The following SLC20A2 variants were observed in gnomAD, a reference collection of about 807,000 sequenced individuals.
The protein encoded by SLC20A2 is sodium-dependent phosphate transporter 2.
A neutral mutation model predicts 61.0 loss-of-function variants in SLC20A2; 30 were observed. That is an observed-to-expected ratio of 0.49 (90% CI 0.37 to 0.67). The LOEUF is 0.67. Ranked by LOEUF, SLC20A2 falls within the 30% of genes least tolerant of loss-of-function variation. The pLI is 0.00. For synonymous variants in SLC20A2, 351 were observed against 353.3 expected (o/e 0.99, Z 0.07); for missense variants, 626 against 866.4 (o/e 0.72, Z 3.48).
intron 8 of SLC20A2, among the ~76,000 whole-genome samples, chr8:42,435,967 T>A (rs1318318641): frequency 6.6e-6 from 1 of 151,848 alleles, no homozygotes. Context: ...AATAGAAAAA[T>A]TAGCCGGGCC....
upstream of SLC20A2, among the ~76,000 whole-genome samples, chr8:42,505,704 C>T (rs939685716): frequency 2.0e-5 from 3 of 151,876 alleles, no homozygotes; most frequent in African/African-American, 7.3e-5. Flanking sequence ...TTGAGACCAG[C>T]CTGGCTAATG....
intron 8 of SLC20A2, among the ~76,000 whole-genome samples, chr8:42,431,046 C>T (rs1803838018): frequency 6.6e-6 from 1 of 152,120 alleles, no homozygotes; most frequent in African/African-American, 2.4e-5. Context: ...ACAGTGCCCT[C>T]TAAGTGTTCA....
chr8:42,426,909 C>T (rs72643207), intron 10 of SLC20A2, among the ~76,000 whole-genome samples: 2,285 of 152,342 alleles, frequency 0.015, 25 homozygotes, highest in Middle Eastern at 0.037. Flanking sequence ...CGCGTCTCCT[C>T]CACGCTCCAC....
intron 5 of SLC20A2, among the ~76,000 whole-genome samples, chr8:42,450,447 C>T (rs1168352898): frequency 2.0e-5 from 3 of 151,980 alleles, no homozygotes; most frequent in African/African-American, 7.3e-5. Flanking sequence ...AACCTGGTCT[C>T]GAACTCCTGA....
chr8:42,466,589 C>G (rs1807189335), intron 2 of SLC20A2, among the ~76,000 whole-genome samples: 2 of 152,174 alleles, frequency 1.3e-5, no homozygotes, highest in Non-Finnish European at 2.9e-5. Flanking sequence ...CTTACAGTCA[C>G]ATAATGAAAA....
intron 1 of SLC20A2, among the ~76,000 whole-genome samples, chr8:42,530,912 G>T (rs977729686): frequency 6.6e-6 from 1 of 152,048 alleles, no homozygotes; most frequent in African/African-American, 2.4e-5. Flanking sequence ...TAGAGATGAG[G>T]TTTTACCATG....
chr8:42,479,128 A>T (rs936593359), intron 1 of SLC20A2, among the ~76,000 whole-genome samples: 1 of 152,218 alleles, frequency 6.6e-6, no homozygotes, highest in Non-Finnish European at 1.5e-5. Context: ...ATTCACAAGG[A>T]AAAGAAAAGC....
At chr8:42,504,706 A>G (rs1165829720), upstream of SLC20A2, among the ~76,000 whole-genome samples, 2 of 151,104 alleles carry the variant, frequency 1.3e-5, no homozygotes, top group African/African-American at 4.9e-5. Flanking sequence ...TTAGCCAGGC[A>G]TGGTGGCGCA....
At chr8:42,487,552 G>A (rs949529403) in intron 1 of SLC20A2, among the ~76,000 whole-genome samples, 6 of 152,094 alleles carry the variant, frequency 3.9e-5, no homozygotes, top group African/African-American at 9.6e-5. Context: ...GCACTGAATC[G>A]TGGCCCACAT....
At chr8:42,442,920 T>C (rs1461286975) in intron 6 of SLC20A2, among the ~76,000 whole-genome samples, 1 of 152,128 alleles carries the variant, frequency 6.6e-6, no homozygotes, top group Non-Finnish European at 1.5e-5. Context: ...TGAGACCAAA[T>C]GTAAATATCT....
intron 1 of SLC20A2, among the ~76,000 whole-genome samples, chr8:42,492,975 C>T (rs923640577): frequency 1.3e-5 from 2 of 152,192 alleles, no homozygotes; most frequent in Non-Finnish European, 2.9e-5. Context: ...GCCACCACGC[C>T]CAGCCTTGGT....
chr8:42,484,759 G>A, intron 1 of SLC20A2: 1 of 343,728 alleles, frequency 2.9e-6, no homozygotes, highest in Admixed American at 3.2e-5. Context: ...ACTTGGGAGG[G>A]CAGCCAGGCA....
At chr8:42,528,191 G>C (rs911168013) in intron 1 of SLC20A2, among the ~76,000 whole-genome samples, 4 of 152,174 alleles carry the variant, frequency 2.6e-5, no homozygotes, top group Non-Finnish European at 5.9e-5. Flanking sequence ...ACAGGGCGCG[G>C]TGGCTCACAC....
intron 6 of SLC20A2, among the ~76,000 whole-genome samples, chr8:42,440,468 T>C (rs1455754967): frequency 6.6e-6 from 1 of 152,218 alleles, no homozygotes; most frequent in African/African-American, 2.4e-5. Context: ...GGATCAATAA[T>C]TTGTTCCTTT....
chr8:42,507,935 G>A (rs920917049), intron 1 of SLC20A2, among the ~76,000 whole-genome samples: 32 of 151,600 alleles, frequency 2.1e-4, no homozygotes, highest in East Asian at 7.8e-4. Context: ...TGAGGCGGGC[G>A]GATCACCTGA....
chr8:42,484,265 T>C (rs1808772339), intron 1 of SLC20A2, among the ~76,000 whole-genome samples: 1 of 152,244 alleles, frequency 6.6e-6, no homozygotes, highest in Admixed American at 6.5e-5. Flanking sequence ...TCTACTTCAC[T>C]AATAACTTGC....
chr8:42,446,395 C>G (rs1425802413), intron 5 of SLC20A2, among the ~76,000 whole-genome samples: 25 of 152,166 alleles, frequency 1.6e-4, no homozygotes. Context: ...CATATGTGCA[C>G]AACTTGAACA....
chr8:42,437,383 A>C lies in SLC20A2; in HGVS notation c.1129T>G (p.Tyr377Asp). 6.2e-7 allele frequency: 1 copy of C among 1,614,076 alleles called. No homozygotes were observed. Among genetic ancestry groups the C allele is most frequent in the Non-Finnish European group, 8.5e-7 (1 of 1,180,018 alleles). ...PEEKPAQESN[Y>D]RLLRRNNSYT... ...CTGTTGTTTCGGCGCAGCAGCCGGT[A>C]GTTGCTTTCCTGGGCTGGCTTCTCC... The change falls in exon 8 of 11, where the codon TAC becomes GAC. Residue 377 changes from tyrosine (Y) to aspartate (D), a missense_variant. Coordinates refer to ENST00000520262, the MANE Select transcript of SLC20A2 (RefSeq NM_001257180.2). The surrounding 1 kb of genome is among the most constrained non-coding windows in gnomAD (Gnocchi z 6.4).
At chr8:42,424,748 T>G (rs1020342141) in intron 10 of SLC20A2, among the ~76,000 whole-genome samples, 1 of 152,166 alleles carries the variant, frequency 6.6e-6, no homozygotes, top group East Asian at 1.9e-4. Context: ...ACGACAAAAT[T>G]GAAACTATGC....
Sources: allele counts gnomAD v4.1 joint callset (sites outside exome capture counted in the v4.1 genomes callset), GRCh38; gene constraint gnomAD v4.1.1; non-coding constraint Gnocchi (gnomAD v3.1); transcripts MANE v1.5; gene names NCBI Gene and HGNC (gene_info 2026-07-23, HGNC 2026-07-21).